The following CSRNP3 variants were observed in gnomAD, a reference collection of about 807,000 sequenced individuals.
CSRNP3 encodes cysteine and serine rich nuclear protein 3, also known as cysteine/serine-rich nuclear protein 3.
A neutral mutation model predicts 48.0 loss-of-function variants in CSRNP3; 12 were observed. The observed-to-expected ratio is 0.25, with a 90% confidence interval of 0.16 to 0.41. The LOEUF is 0.41. CSRNP3 is among the 10% of genes least tolerant of loss of function. CSRNP3 has a pLI of 1.00. For synonymous variants in CSRNP3, 263 were observed against 269.7 expected, an observed-to-expected ratio of 0.98 and a Z score of 0.24; for missense variants, 580 against 724.4, an observed-to-expected ratio of 0.80 and a Z score of 2.29.
At chr2:165,560,739 A>T (rs187964798) in intron 3 of CSRNP3, among the ~76,000 whole-genome samples, 104 of 152,366 alleles carry the variant, frequency 6.8e-4, no homozygotes, top group African/African-American at 2.3e-3. Flanking sequence ...CTAAAAGCAA[A>T]GCTCAAAATA....
At chr2:165,668,802 G>A (rs1313470720) in intron 5 of CSRNP3, among the ~76,000 whole-genome samples, 4 of 152,046 alleles carry the variant, frequency 2.6e-5, no homozygotes, top group East Asian at 3.8e-4. Context: ...GTACTGCCAC[G>A]TTGTCTTTTT....
chr2:165,575,744 CA>C (rs1442301749), intron 3 of CSRNP3, among the ~76,000 whole-genome samples: 1 of 151,906 alleles, frequency 6.6e-6, no homozygotes, highest in African/African-American at 2.4e-5. Context: ...ACAATTATTT[CA>C]AATATTTATG....
intron 1 of CSRNP3, among the ~76,000 whole-genome samples, chr2:165,477,266 C>A (rs1165142983): frequency 6.6e-6 from 1 of 151,400 alleles, no homozygotes; most frequent in African/African-American, 2.4e-5. Flanking sequence ...ATATCCATTC[C>A]TGTTAAGTCT....
At chr2:165,637,781 T>C (rs146833473) in intron 4 of CSRNP3, among the ~76,000 whole-genome samples, 1,806 of 152,358 alleles carry the variant, frequency 0.012, 30 homozygotes, top group Non-Finnish European at 0.017. Flanking sequence ...TTACAGTCTT[T>C]GTAAATCTAC....
intron 3 of CSRNP3, among the ~76,000 whole-genome samples, chr2:165,583,634 C>T (rs1045027780): frequency 1.3e-5 from 2 of 152,198 alleles, no homozygotes; most frequent in African/African-American, 4.8e-5. Context: ...TGTAAAGTAA[C>T]TGGCACATAG....
intron 3 of CSRNP3, among the ~76,000 whole-genome samples, chr2:165,576,084 A>G (rs916222449): frequency 6.7e-6 from 1 of 150,206 alleles, no homozygotes; most frequent in Non-Finnish European, 1.5e-5. Flanking sequence ...TTATATATGT[A>G]TAAAACAATA....
chr2:165,674,681 A>AATATATATATATATATAT (rs59117817), intron 5 of CSRNP3, among the ~76,000 whole-genome samples: 374 of 103,130 alleles, frequency 3.6e-3, no homozygotes, highest in African/African-American at 7.9e-3. Context: ...AATACTTCTG[A>AATATATATATATATATAT]ATATATATAT....
intron 4 of CSRNP3, among the ~76,000 whole-genome samples, chr2:165,623,878 C>G (rs2105320421): frequency 6.6e-6 from 1 of 152,302 alleles, no homozygotes; most frequent in East Asian, 1.9e-4. Flanking sequence ...CCTTTTAGAG[C>G]AGCTGCAAGG....
chr2:165,540,247 C>A (rs1574828779), intron 3 of CSRNP3, among the ~76,000 whole-genome samples: 1 of 152,038 alleles, frequency 6.6e-6, no homozygotes, highest in African/African-American at 2.4e-5. Flanking sequence ...AAATTACTCC[C>A]TGTCTTTATT....
intron 4 of CSRNP3, among the ~76,000 whole-genome samples, chr2:165,606,560 AAGC>A (rs1468989443): frequency 3.3e-5 from 5 of 152,132 alleles, no homozygotes; most frequent in African/African-American, 9.7e-5. Flanking sequence ...ATGTATTGAC[AAGC>A]ATGTGCTGAA....
chr2:165,615,246 G>C (rs1686217762), intron 4 of CSRNP3, among the ~76,000 whole-genome samples: 1 of 152,018 alleles, frequency 6.6e-6, no homozygotes, highest in African/African-American at 2.4e-5. Flanking sequence ...TATATACTTA[G>C]AATAGTTATA....
intron 4 of CSRNP3, among the ~76,000 whole-genome samples, chr2:165,629,532 G>A (rs1045349959): frequency 7.9e-5 from 12 of 152,134 alleles, no homozygotes; most frequent in Non-Finnish European, 1.3e-4. Flanking sequence ...TTGTTGTTTT[G>A]TTTTGTTTTC....
chr2:165,646,570 T>C (rs115720152), intron 4 of CSRNP3, among the ~76,000 whole-genome samples: 1,739 of 152,316 alleles, frequency 0.011, 25 homozygotes, highest in African/African-American at 0.03. Context: ...AATGTTTCCT[T>C]CTGTCATTGT....
At chr2:165,597,887 C>A (rs1685838682) in intron 4 of CSRNP3, among the ~76,000 whole-genome samples, 1 of 151,922 alleles carries the variant, frequency 6.6e-6, no homozygotes, top group African/African-American at 2.4e-5. Context: ...AGATTTCATC[C>A]CTTGAAATCG....
At chr2:165,551,142 T>TG (rs1685090877) in intron 3 of CSRNP3, among the ~76,000 whole-genome samples, 1 of 152,182 alleles carries the variant, frequency 6.6e-6, no homozygotes, top group Non-Finnish European at 1.5e-5. Context: ...TGTTCCCACA[T>TG]GGAGTGTTGA....
At chr2:165,586,456 T>C (rs1488375499) in intron 3 of CSRNP3, among the ~76,000 whole-genome samples, 2 of 152,234 alleles carry the variant, frequency 1.3e-5, no homozygotes, top group South Asian at 2.1e-4. Flanking sequence ...TCAGTTAAGG[T>C]TGAATTTCAG....
chr2:165,574,463 T>C lies in CSRNP3; in HGVS notation c.-23-20580T>C, dbSNP rs771340279. On this transcript the variant is annotated intron_variant, in intron 3 of 6. Transcript: ENST00000651982. ...TGACATTTCATGATGCGCCTGATTTTATTTCTATTAAAGACACTGATGGGC... is the reference window on the plus strand; with the variant it reads ...TGACATTTCATGATGCGCCTGATTTCATTTCTATTAAAGACACTGATGGGC... The C allele has an allele frequency of 6.1e-6, 9 of 1,466,992 alleles. No homozygotes were observed. In the South Asian group the frequency reaches 1.1e-4, roughly 18 times the overall value. The allele number at this position is 1,466,992 out of a possible 1,614,324, so 90.9% of individuals were successfully genotyped here.
intron 2 of CSRNP3, among the ~76,000 whole-genome samples, chr2:165,505,393 G>A (rs1043101949): frequency 6.6e-6 from 1 of 152,056 alleles, no homozygotes; most frequent in Non-Finnish European, 1.5e-5. Context: ...TGGGCCTCCT[G>A]TACCTTTTTT....
intron 4 of CSRNP3, among the ~76,000 whole-genome samples, chr2:165,655,694 C>T (rs540024779): frequency 7.9e-5 from 12 of 152,312 alleles, no homozygotes; most frequent in South Asian, 2.1e-4. Context: ...CCTCTGAAAC[C>T]TTTGGGAAAG....
Sources: allele counts gnomAD v4.1 joint callset (sites outside exome capture counted in the v4.1 genomes callset), GRCh38; gene constraint gnomAD v4.1.1; transcripts MANE v1.5; gene names NCBI Gene and HGNC (gene_info 2026-07-23, HGNC 2026-07-21).